IL12RB2: variants seen among roughly 807,000 people sequenced by gnomAD.
IL12RB2 encodes interleukin-12 receptor subunit beta-2.
In IL12RB2, 82 loss-of-function variants were observed where a neutral mutation model predicts 89.4. The ratio of observed to expected loss-of-function variants is 0.92; its 90% CI spans 0.77 to 1.10. IL12RB2 has a LOEUF of 1.10. Ranked by LOEUF, IL12RB2 falls within the 50% of genes least tolerant of loss-of-function variation. The probability of loss-of-function intolerance (pLI) is 0.00; values close to 1 mark genes in which losing one functional copy is unlikely to be tolerated. For synonymous variants in IL12RB2, 368 were observed against 370.1 expected, an observed-to-expected ratio of 0.99 and a Z score of 0.07; for missense variants, 963 against 1,031.9, an observed-to-expected ratio of 0.93 and a Z score of 0.92.
chr1:67,319,574 TGG>T (rs1429131578), intron 2 of IL12RB2, among the ~76,000 whole-genome samples: 13 of 152,164 alleles, frequency 8.5e-5, no homozygotes. Flanking sequence ...AAACTCTCAC[TGG>T]TCAAACTACT....
chr1:67,343,908 A>G (rs766098931), intron 9 of IL12RB2, among the ~76,000 whole-genome samples: 1 of 152,240 alleles, frequency 6.6e-6, no homozygotes, highest in Non-Finnish European at 1.5e-5. Flanking sequence ...AAACAAACAT[A>G]TGAAAGCTCC....
At position 67,372,457 on chromosome 1, in the gene IL12RB2, G is replaced by A. The variant is rs1219051639; in HGVS notation, c.1481G>A (p.Cys494Tyr). The stretch of plus-strand genomic sequence containing the variant: ...GCAGAGAACATAAAATCCTACATCT[G>A]TTATGAAATCCGTGTGTATGCACTC... ...LISENIKSYI[C>Y]YEIRVYALSG... The change falls in exon 12 of 17, where the codon TGT (cysteine) becomes TAT (tyrosine). Residue 494 changes from cysteine to tyrosine, a missense_variant. Transcript: ENST00000674203. The A allele has an allele frequency of 1.3e-6, 2 of 1,584,952 alleles. No homozygotes were observed. Among genetic ancestry groups the A allele is most frequent in the Non-Finnish European group, 1.7e-6 (2 of 1,153,328 alleles).
rs769155518 is a variant in IL12RB2, at chr1:67,330,828, A to G, written c.958+18A>G. On this transcript the variant is annotated intron_variant, in intron 8 of 16. Transcript: ENST00000674203. ...AGAAGAAGGTATATGTCCAAAATAT[A>G]CATACCTATCGGGGAGCAATAAAGG... 3.5e-6 allele frequency: 5 copies of G among 1,410,008 alleles called. No homozygotes were observed. In the African/African-American group the frequency reaches 4.2e-5, roughly 12 times the overall value. The allele number at this position is 1,410,008 out of a possible 1,614,324, so 87.3% of individuals were successfully genotyped here. A position where few individuals can be genotyped will look rare whatever the true frequency, so the allele number is the denominator to read the frequency against.
intron 8 of IL12RB2, among the ~76,000 whole-genome samples, chr1:67,337,311 T>G (rs1658897020): frequency 6.6e-6 from 1 of 152,150 alleles, no homozygotes; most frequent in Admixed American, 6.5e-5. Context: ...GTTTCACTGT[T>G]GAGGAAATTA....
At chr1:67,339,217 T>C (rs17129826) in intron 9 of IL12RB2, among the ~76,000 whole-genome samples, 6,443 of 152,332 alleles carry the variant, frequency 0.042, 185 homozygotes, top group Admixed American at 0.066. Flanking sequence ...CCAGGTGCAG[T>C]GGCTCACGCC....
At chr1:67,309,741 G>A (rs1016949771) in intron 1 of IL12RB2, among the ~76,000 whole-genome samples, 2 of 152,108 alleles carry the variant, frequency 1.3e-5, no homozygotes, top group Admixed American at 6.5e-5. Flanking sequence ...AGAAGAATCC[G>A]CCAAGTACAG....
At chr1:67,388,575 AC>A (rs1338749849) in intron 15 of IL12RB2, among the ~76,000 whole-genome samples, 4 of 152,026 alleles carry the variant, frequency 2.6e-5, no homozygotes, top group African/African-American at 7.2e-5. Flanking sequence ...CAAACTCCTG[AC>A]CTCATGATCC....
chr1:67,395,844 C>T lies in IL12RB2; in HGVS notation c.2344C>T (p.Pro782Ser). 6.2e-7 allele frequency: 1 copy of T among 1,610,800 alleles called. No homozygotes were observed. The highest frequency in any genetic ancestry group is 8.5e-7 in the Non-Finnish European group (1 of 1,177,500). ...SRGSDPKPEN[P>S]ACPWTVLPAG... is the part of the protein sequence containing the mutation. ...GGGCTCCGACCCAAAGCCCGAAAAC[C>T]CAGCCTGTCCCTGGACGGTGCTCCC... Residue 782 changes from proline to serine, a missense_variant, in exon 17 of 17, where the codon CCA (proline) becomes TCA (serine). Physicochemically the swap from Pro to Ser is moderately conservative, Grantham distance 74. Transcript: ENST00000674203.
chr1:67,375,819 G>A (rs1442293752), intron 13 of IL12RB2, among the ~76,000 whole-genome samples: 1 of 151,782 alleles, frequency 6.6e-6, no homozygotes, highest in Admixed American at 6.6e-5. Context: ...TGTACCAGTA[G>A]AGCCACGGCC....
intron 16 of IL12RB2, among the ~76,000 whole-genome samples, chr1:67,393,980 G>A (rs1233170914): frequency 1.3e-5 from 2 of 152,134 alleles, no homozygotes; most frequent in Non-Finnish European, 2.9e-5. Context: ...ACCTAACAGT[G>A]GTTTCTTCAC....
In IL12RB2 at chr1:67,341,551, GAA is replaced by G. The variant is rs368159591; in HGVS notation, c.1038+2850_1038+2851del. On this transcript the variant is annotated intron_variant, in intron 9 of 16. Coordinates refer to ENST00000674203, the MANE Select transcript of IL12RB2 (RefSeq NM_001374259.2). ...AAAGAGAAAGAAAGAAAGAAAGAAA[GAA>G]AGAAAGAAAGAAAGAAAGAAAGAAA... Among the ~76,000 whole-genome samples, 31 of 53,430 alleles carry G rather than the reference GAA, an allele frequency of 5.8e-4. 1 individual carries two copies. The highest frequency in any genetic ancestry group is 3.6e-3 in the Admixed American group (17 of 4,716). The allele number at this position is 53,430 out of a possible 152,430, so 35.1% of individuals were successfully genotyped here.
intron 16 of IL12RB2, among the ~76,000 whole-genome samples, chr1:67,393,886 T>A (rs1557484678): frequency 9.1e-6 from 1 of 109,942 alleles, no homozygotes; most frequent in South Asian, 3.4e-4. Flanking sequence ...GTCATCCTAC[T>A]CCTCCTGTAA....
intron 4 of IL12RB2, 97 bp from the exon 5 acceptor site, chr1:67,326,638 A>T: frequency 6.5e-7 from 1 of 1,530,894 alleles, no homozygotes; most frequent in Non-Finnish European, 8.8e-7. Context: ...GGTTTACGGC[A>T]TGTGGGGGAC....
intron 9 of IL12RB2, among the ~76,000 whole-genome samples, chr1:67,345,829 T>G (rs1431668323): frequency 6.6e-6 from 1 of 152,198 alleles, no homozygotes; most frequent in Non-Finnish European, 1.5e-5. Flanking sequence ...TTTGATTGGA[T>G]AGCAGAATGT....
chr1:67,378,813 G>C (rs981967382), intron 13 of IL12RB2, among the ~76,000 whole-genome samples: 2 of 132,804 alleles, frequency 1.5e-5, no homozygotes, highest in Admixed American at 1.7e-4. Flanking sequence ...TCGTATTACT[G>C]TACTCTAGCC....
intron 14 of IL12RB2, among the ~76,000 whole-genome samples, chr1:67,384,310 G>A (rs1279599524): frequency 6.6e-6 from 1 of 152,242 alleles, no homozygotes; most frequent in Non-Finnish European, 1.5e-5. Flanking sequence ...GCCAAGGCCT[G>A]GGGCTTGCAC....
intron 1 of IL12RB2, among the ~76,000 whole-genome samples, chr1:67,308,710 A>C (rs1181074846): frequency 1.3e-5 from 2 of 152,210 alleles, no homozygotes; most frequent in African/African-American, 4.8e-5. Flanking sequence ...ACCTAAAAGC[A>C]TACAAATAGA....
intron 15 of IL12RB2, among the ~76,000 whole-genome samples, chr1:67,388,473 G>A (rs1665465672): frequency 6.6e-6 from 1 of 152,116 alleles, no homozygotes; most frequent in African/African-American, 2.4e-5. Context: ...AGCCTCCTGA[G>A]TAGCTGGGAC....
intron 1 of IL12RB2, among the ~76,000 whole-genome samples, chr1:67,311,014 C>T (rs978062416): frequency 5.3e-5 from 8 of 152,108 alleles, no homozygotes; most frequent in African/African-American, 1.2e-4. Context: ...TGAGTCACCA[C>T]GTCCGTCCAG....
Sources: gnomAD v4.1 joint callset for allele counts (sites outside exome capture counted in the v4.1 genomes callset) on GRCh38, gnomAD v4.1.1 for gene constraint, MANE v1.5 for transcripts, NCBI Gene and HGNC (gene_info 2026-07-23, HGNC 2026-07-21) for gene names.